TAB2: variants seen among roughly 807,000 people sequenced by gnomAD.
TAB2 encodes the protein TGF-beta activated kinase 1 (MAP3K7) binding protein 2.
TAB2 carries 3 observed loss-of-function variants against 65.0 expected under a neutral mutation model. The ratio of observed to expected loss-of-function variants is 0.05; its 90% CI spans 0.02 to 0.12. The LOEUF (loss-of-function observed/expected upper bound fraction) is 0.12. Among genes scored for constraint, TAB2 ranks in the 10% least tolerant of loss-of-function variants. The pLI is 1.00. For synonymous variants in TAB2, 298 were observed against 285.1 expected (o/e 1.05, Z -0.46); for missense variants, 623 against 840.3 (o/e 0.74, Z 3.20).
intron 6 of TAB2, chr6:149,400,266 C>A: frequency 2.8e-6 from 3 of 1,053,288 alleles, no homozygotes; most frequent in Non-Finnish European, 2.7e-6. Context: ...CCAGGATGTG[C>A]ACGCACCCTC....
chr6:149,340,897 C>G (rs541170900), intron 1 of TAB2, among the ~76,000 whole-genome samples: 1 of 152,056 alleles, frequency 6.6e-6, no homozygotes, highest in Non-Finnish European at 1.5e-5. Context: ...GATACTTGCT[C>G]TATTACTTGG....
chr6:149,339,593 A>ATTTTTT (rs1562422713), intron 1 of TAB2, among the ~76,000 whole-genome samples: 1 of 15,442 alleles, frequency 6.5e-5, no homozygotes, highest in African/African-American at 8.5e-5. Flanking sequence ...TTTTTTATTT[A>ATTTTTT]TTTATTTATT....
Position 149,364,984 on chromosome 6 carries a change from A to G in TAB2, c.-89-4925A>G, listed in dbSNP as rs73613086. ...CATAATCTTTAAGAAAGGAAAGAAT[A>G]TGGCACATTTTATAAACCGTTCCAA... On this transcript the variant is annotated intron_variant, in intron 1 of 6. Transcript: ENST00000637181. 5.0e-3 allele frequency among the ~76,000 whole-genome samples: 768 copies of G among 152,206 alleles called. 6 individuals are homozygous for G. The highest frequency in any genetic ancestry group is 0.018 in the African/African-American group (746 of 41,510).
chr6:149,406,286 T>C (rs1782662185), intron 6 of TAB2, among the ~76,000 whole-genome samples: 1 of 152,202 alleles, frequency 6.6e-6, no homozygotes, highest in South Asian at 2.1e-4. Context: ...TTTGTAGGAC[T>C]AGGAAAGTAT....
At chr6:149,386,829 A>T (rs1434690455) in intron 3 of TAB2, among the ~76,000 whole-genome samples, 1 of 152,124 alleles carries the variant, frequency 6.6e-6, no homozygotes, top group Non-Finnish European at 1.5e-5. Flanking sequence ...CAAAGTATTT[A>T]ATTGTGATTT....
chr6:149,353,859 T>G (rs1780567811), intron 1 of TAB2, among the ~76,000 whole-genome samples: 1 of 152,112 alleles, frequency 6.6e-6, no homozygotes, highest in Admixed American at 6.6e-5. Flanking sequence ...ATATAGAGAG[T>G]GAGAGATTAA....
At chr6:149,253,958 A>AAAG (rs1777920547) in intron 1 of TAB2, among the ~76,000 whole-genome samples, 1 of 76,304 alleles carries the variant, frequency 1.3e-5, no homozygotes, top group Non-Finnish European at 2.7e-5. Context: ...GAAAGAAAGA[A>AAAG]AAAGAAAGAA....
At chr6:149,357,430 A>AAAC in intron 1 of TAB2, among the ~76,000 whole-genome samples, 3 of 111,186 alleles carry the variant, frequency 2.7e-5, no homozygotes, top group African/African-American at 6.8e-5. Context: ...AGAAAAAAAA[A>AAAC]ACACACACAC....
At chr6:149,307,909 C>G (rs1779097459) in intron 1 of TAB2, among the ~76,000 whole-genome samples, 1 of 152,184 alleles carries the variant, frequency 6.6e-6, no homozygotes, top group Non-Finnish European at 1.5e-5. Flanking sequence ...TCTTTCCAGA[C>G]TTTTTTCTAT....
intron 1 of TAB2, among the ~76,000 whole-genome samples, chr6:149,248,439 GGAAGGAAGGAAGAAAA>G (rs1023311080): frequency 1.1e-4 from 16 of 143,056 alleles, no homozygotes; most frequent in South Asian, 9.0e-4. Flanking sequence ...AAGGAAGGAA[GGAAGGAAGGAAGAAAA>G]GAAGGAAGGA....
At chr6:149,403,271 T>TAC (rs367971627) in intron 6 of TAB2, among the ~76,000 whole-genome samples, 2,995 of 95,376 alleles carry the variant, frequency 0.031, 166 homozygotes, top group East Asian at 0.048. Flanking sequence ...TATATATATA[T>TAC]ATATATATAT....
At chr6:149,372,137 G>A (rs763980923) in intron 2 of TAB2, among the ~76,000 whole-genome samples, 11 of 152,140 alleles carry the variant, frequency 7.2e-5, no homozygotes, top group Non-Finnish European at 1.5e-4. Flanking sequence ...TACCGTAACT[G>A]GGAGTAAAAC....
At chr6:149,293,478 T>C (rs1220845319) in intron 1 of TAB2, among the ~76,000 whole-genome samples, 2 of 152,210 alleles carry the variant, frequency 1.3e-5, no homozygotes, top group African/African-American at 4.8e-5. Flanking sequence ...GGTTTCAAAA[T>C]AGAACTGGTC....
At chr6:149,392,913 G>A (rs1202283812) in intron 3 of TAB2, among the ~76,000 whole-genome samples, 1 of 152,062 alleles carries the variant, frequency 6.6e-6, no homozygotes, top group Non-Finnish European at 1.5e-5. Context: ...GTGTTATTTT[G>A]TAAACTCAAG....
At chr6:149,256,944 A>C (rs1778049454) in intron 1 of TAB2, among the ~76,000 whole-genome samples, 1 of 152,250 alleles carries the variant, frequency 6.6e-6, no homozygotes. Flanking sequence ...TAATTAAGTC[A>C]GTTTAAATTA....
intron 1 of TAB2, among the ~76,000 whole-genome samples, chr6:149,334,853 A>G (rs1390182338): frequency 6.6e-6 from 1 of 152,188 alleles, no homozygotes; most frequent in East Asian, 1.9e-4. Flanking sequence ...GAGGAAAAGA[A>G]TTGAGAACTC....
chr6:149,374,080 G>A (rs1781319998), intron 2 of TAB2, among the ~76,000 whole-genome samples: 2 of 152,144 alleles, frequency 1.3e-5, no homozygotes, highest in South Asian at 4.1e-4. Flanking sequence ...ACCTTTGGAG[G>A]TTGCTAGGGA....
intron 2 of TAB2, among the ~76,000 whole-genome samples, chr6:149,376,395 G>A (rs1377417393): frequency 6.6e-6 from 1 of 152,044 alleles, no homozygotes; most frequent in Non-Finnish European, 1.5e-5. Flanking sequence ...ATTCCAATCT[G>A]CTTTTGCAAC....
At chr6:149,347,695 T>G (rs1056573873) in intron 1 of TAB2, among the ~76,000 whole-genome samples, 2 of 152,036 alleles carry the variant, frequency 1.3e-5, no homozygotes, top group Admixed American at 1.3e-4. Flanking sequence ...AACATCATGC[T>G]CCAAGAAATA....
Sources: allele counts gnomAD v4.1 joint callset (sites outside exome capture counted in the v4.1 genomes callset), GRCh38; gene constraint gnomAD v4.1.1; transcripts MANE v1.5; gene names NCBI Gene and HGNC (gene_info 2026-07-23, HGNC 2026-07-21).